CLIP2: variants seen among roughly 807,000 people sequenced by gnomAD.
CLIP2 encodes CAP-Gly domain containing linker protein 2.
In CLIP2, 41 loss-of-function variants were observed where a neutral mutation model predicts 111.7. The ratio of observed to expected loss-of-function variants is 0.37; its 90% CI spans 0.29 to 0.48. The LOEUF is 0.48. Ranked by LOEUF, CLIP2 falls within the 20% of genes least tolerant of loss-of-function variation. The pLI is 0.99. For synonymous variants in CLIP2, 660 were observed against 644.2 expected (o/e 1.02, Z -0.37); for missense variants, 1,160 against 1,422.1 (o/e 0.82, Z 2.96).
chr7:74,289,957 G>T (rs1054855954), intron 1 of CLIP2, among the ~76,000 whole-genome samples: 1 of 152,186 alleles, frequency 6.6e-6, no homozygotes, highest in Non-Finnish European at 1.5e-5. Flanking sequence ...AGGGGGCACT[G>T]CTTGGGGTGC....
At chr7:74,340,207 C>T (rs1215945301) in intron 3 of CLIP2, among the ~76,000 whole-genome samples, 1 of 152,132 alleles carries the variant, frequency 6.6e-6, no homozygotes, top group East Asian at 1.9e-4. Flanking sequence ...ACCAGCCTTG[C>T]CAACATGGCG....
chr7:74,293,078 T>C (rs1788071523), intron 1 of CLIP2, among the ~76,000 whole-genome samples: 1 of 152,098 alleles, frequency 6.6e-6, no homozygotes, highest in East Asian at 1.9e-4. Context: ...TTTAATAAAC[T>C]GTGAGGAGTG....
chr7:74,375,848 A>G (rs1450652819), intron 9 of CLIP2, 39 bp from the exon 10 acceptor site: 2 of 1,459,834 alleles, frequency 1.4e-6, no homozygotes, highest in Admixed American at 2.5e-5. Context: ...CCAGCCAGCC[A>G]GCCAGCCCGC....
intron 1 of CLIP2, among the ~76,000 whole-genome samples, chr7:74,300,604 C>T (rs1168169141): frequency 1.3e-5 from 2 of 152,000 alleles, no homozygotes; most frequent in South Asian, 2.1e-4. Context: ...TACCGGCGCC[C>T]GCCACCACGC....
chr7:74,352,928 C>T (rs1300835939), intron 3 of CLIP2, among the ~76,000 whole-genome samples: 3 of 152,022 alleles, frequency 2.0e-5, no homozygotes, highest in African/African-American at 2.4e-5. Context: ...AGGAGGATTG[C>T]TTGAGACCAG....
intron 7 of CLIP2, among the ~76,000 whole-genome samples, chr7:74,363,652 A>G (rs1790396006): frequency 6.6e-6 from 1 of 152,262 alleles, no homozygotes; most frequent in Admixed American, 6.5e-5. Flanking sequence ...TGGGAGGCTG[A>G]GGTGGGCAGA....
rs1790154052 is a variant in CLIP2, at chr7:74,356,608, C to T, written c.1002C>T (p.Pro334=). 5.6e-6 allele frequency: 9 copies of T among 1,613,522 alleles called. No homozygotes were observed. In the Admixed American group the frequency reaches 1.3e-4, roughly 24 times the overall value. ...TGGCCTCCTCCGTGGGGGGTCGGCC[C>T]AGCCGCAGTGGCCTGGTGAGGGTGG... ...SSVASSVGGR[P]SRSGLLTETS... Residue 334 remains proline, a synonymous_variant, in exon 5 of 17, where the codon CCC becomes CCT. Coordinates refer to ENST00000223398, the MANE Select transcript of CLIP2 (RefSeq NM_003388.5).
At chr7:74,373,659 G>A (rs1354343149) in intron 9 of CLIP2, among the ~76,000 whole-genome samples, 1 of 152,232 alleles carries the variant, frequency 6.6e-6, no homozygotes, top group East Asian at 1.9e-4. Context: ...TCTCCCCGAT[G>A]CATTGCCATG....
At chr7:74,333,808 C>T (rs1789369541) in intron 2 of CLIP2, among the ~76,000 whole-genome samples, 1 of 152,166 alleles carries the variant, frequency 6.6e-6, no homozygotes, top group Non-Finnish European at 1.5e-5. Context: ...GTCTGTGTTG[C>T]TGGGCCCAGC....
intron 8 of CLIP2, 56 bp downstream of exon 8, chr7:74,364,371 C>G: frequency 2.6e-6 from 4 of 1,511,306 alleles, no homozygotes; most frequent in Non-Finnish European, 3.6e-6. Flanking sequence ...CTGGCCCTTG[C>G]TAGGGCAGAT....
intron 2 of CLIP2, among the ~76,000 whole-genome samples, 192 bp downstream of exon 2, chr7:74,317,859 G>A (rs151120831): frequency 1.6e-4 from 24 of 152,288 alleles, no homozygotes; most frequent in African/African-American, 5.8e-4. Flanking sequence ...GGGGACATGG[G>A]CGCTGAGGTC....
intron 2 of CLIP2, among the ~76,000 whole-genome samples, chr7:74,324,961 G>A (rs1395917301): frequency 2.6e-5 from 4 of 152,098 alleles, no homozygotes; most frequent in African/African-American, 7.2e-5. Flanking sequence ...GGCTGGAGGC[G>A]GCCACATCCA....
At chr7:74,313,869 A>C (rs1222201694) in intron 1 of CLIP2, among the ~76,000 whole-genome samples, 2 of 152,052 alleles carry the variant, frequency 1.3e-5, no homozygotes, top group Admixed American at 6.6e-5. Context: ...CAACCCACAT[A>C]AGTCATATGA....
intron 1 of CLIP2, among the ~76,000 whole-genome samples, chr7:74,314,896 G>A (rs1788729508): frequency 6.6e-6 from 1 of 152,144 alleles, no homozygotes; most frequent in Admixed American, 6.6e-5. Context: ...TAAACAGATA[G>A]CATCATGCCT....
At chr7:74,322,211 G>A (rs567360792) in intron 2 of CLIP2, among the ~76,000 whole-genome samples, 3 of 151,446 alleles carry the variant, frequency 2.0e-5, no homozygotes, top group Admixed American at 2.0e-4. Context: ...GGCTGGTCTC[G>A]AACTCCTGAC....
intron 2 of CLIP2, among the ~76,000 whole-genome samples, chr7:74,332,989 A>G (rs983598264): frequency 3.3e-4 from 50 of 152,274 alleles, no homozygotes; most frequent in African/African-American, 1.2e-3. Context: ...TCGCAGGCGG[A>G]GGGGAGAATG....
intron 1 of CLIP2, among the ~76,000 whole-genome samples, chr7:74,297,476 CA>C (rs1373388883): frequency 6.7e-6 from 1 of 149,782 alleles, no homozygotes; most frequent in South Asian, 2.1e-4. Flanking sequence ...GATCCTGTCT[CA>C]AAAAAAAACC....
At chr7:74,370,155 CAAAAAAAAAAA>C (rs536133070) in intron 8 of CLIP2, among the ~76,000 whole-genome samples, 1 of 32,902 alleles carries the variant, frequency 3.0e-5, no homozygotes, top group East Asian at 8.4e-4. Context: ...GACTCTGCCT[CAAAAAAAAAAA>C]AAAAAAAAAT....
chr7:74,397,666 G>GTTT (rs71094782), intron 14 of CLIP2, among the ~76,000 whole-genome samples: 4 of 42,024 alleles, frequency 9.5e-5, no homozygotes, highest in Admixed American at 2.4e-4. Context: ...AGTTTTTTTT[G>GTTT]TTTTTTTTTT....
Sources: allele counts gnomAD v4.1 joint callset (sites outside exome capture counted in the v4.1 genomes callset), GRCh38; gene constraint gnomAD v4.1.1; transcripts MANE v1.5; gene names NCBI Gene and HGNC (gene_info 2026-07-23, HGNC 2026-07-21).